Variants in AATF observed in about 807,000 individuals in gnomAD.
AATF encodes the protein apoptosis antagonizing transcription factor, also known as protein AATF.
Under a neutral mutation model 63.7 loss-of-function variants are expected in AATF, and 48 were observed. The observed-to-expected ratio is 0.75, with a 90% CI of 0.60 to 0.96. The LOEUF (loss-of-function observed/expected upper bound fraction) is 0.96. AATF is among the 40% of genes least tolerant of loss of function. AATF has a pLI of 0.00. For synonymous variants in AATF, 258 were observed against 247.7 expected (o/e 1.04, Z -0.39); for missense variants, 639 against 685.7 (o/e 0.93, Z 0.76).
chr17:37,050,553 G>A (rs372227784), intron 11 of AATF, among the ~76,000 whole-genome samples: 3 of 152,282 alleles, frequency 2.0e-5, no homozygotes, highest in East Asian at 3.9e-4. Context: ...TGGTGACCGC[G>A]CTGGTCTGTG....
rs765095757 is a variant in AATF, at chr17:36,989,271, A to G, written c.1174A>G (p.Ile392Val). ...GKGFGAFERS[I>V]LTQIDHILMD... Reference sequence around the variant, plus strand: ...GGGTTTTGGTGCCTTTGAACGCTCAATCTTGACTCAGATCGACCATATTCT... The same window carrying G: ...GGGTTTTGGTGCCTTTGAACGCTCAGTCTTGACTCAGATCGACCATATTCT... Residue 392 changes from isoleucine to valine, a missense_variant, in exon 7 of 12, where the codon ATC becomes GTC. Physicochemically the swap from Ile to Val is conservative, Grantham distance 29. Coordinates refer to ENST00000619387, the MANE Select transcript of AATF (RefSeq NM_012138.4). The G allele has an allele frequency of 1.5e-5, 24 of 1,613,398 alleles. No individual in the cohort carries two copies. The highest frequency in any genetic ancestry group is 8.8e-5 in the South Asian group (8 of 90,972).
chr17:36,958,033 AT>A (rs1435189342), intron 4 of AATF, among the ~76,000 whole-genome samples: 1 of 152,210 alleles, frequency 6.6e-6, no homozygotes, highest in Non-Finnish European at 1.5e-5. Flanking sequence ...TGTGGAAGTG[AT>A]TTCAAAGACA....
chr17:36,954,418 G>A (rs1232917053), intron 4 of AATF, among the ~76,000 whole-genome samples: 1 of 152,154 alleles, frequency 6.6e-6, no homozygotes, highest in African/African-American at 2.4e-5. Context: ...GACACTGGTT[G>A]AAAACCCACT....
rs558820872 is a variant in AATF at position 37,022,883 on chromosome 17, T to C, written c.1547+1869T>C. ...AGGTTGGGTCAGTCTCTTTTCCTAGTGTTCATTTATTTGTTTACTGACACG... is the reference window on the plus strand; with the variant it reads ...AGGTTGGGTCAGTCTCTTTTCCTAGCGTTCATTTATTTGTTTACTGACACG... On this transcript the variant is annotated intron_variant, in intron 10 of 11. Transcript: ENST00000619387. Among the ~76,000 whole-genome samples the C allele has an allele frequency of 2.6e-5, 4 of 152,268 alleles. 1 individual carries two copies. In the East Asian group the frequency reaches 7.7e-4, roughly 29 times the overall value.
At chr17:37,051,697 G>GACACACACACACACAC (rs59773430) in intron 11 of AATF, among the ~76,000 whole-genome samples, 2 of 137,138 alleles carry the variant, frequency 1.5e-5, no homozygotes, top group South Asian at 4.6e-4. Context: ...CAGACAGACA[G>GACACACACACACACAC]ACACACACAC....
intron 2 of AATF, among the ~76,000 whole-genome samples, chr17:36,950,658 C>T (rs1488632682): frequency 6.6e-6 from 1 of 152,168 alleles, no homozygotes; most frequent in African/African-American, 2.4e-5. Flanking sequence ...CACCACCACG[C>T]CCGGCTAATT....
At position 36,990,779 on chromosome 17, in the gene AATF, C is replaced by T. The variant is rs763889388; in HGVS notation, c.1320C>T (p.Ile440=). 6.3e-7 allele frequency: 1 copy of T among 1,589,314 alleles called. No individual in the cohort carries two copies. The highest frequency in any genetic ancestry group is 8.5e-7 in the Non-Finnish European group (1 of 1,170,524). Residue 440 remains isoleucine (I), a synonymous_variant, in exon 8 of 12, where the codon ATC becomes ATT. Transcript: ENST00000619387. ...CTTACTCATTGTTAACATAGGAGAT[C>T]CTTCCTCAAGCCCCTGCTAATGCTC... ...VPESLPGEPE[I]LPQAPANAHL...
At chr17:37,016,002 G>A (rs954752029) in intron 8 of AATF, among the ~76,000 whole-genome samples, 6 of 152,196 alleles carry the variant, frequency 3.9e-5, no homozygotes, top group African/African-American at 7.2e-5. Context: ...AGGCCCAAGT[G>A]GTTCTGCTCC....
chr17:36,993,175 C>T (rs1225086784), intron 8 of AATF, among the ~76,000 whole-genome samples: 1 of 152,218 alleles, frequency 6.6e-6, no homozygotes, highest in African/African-American at 2.4e-5. Context: ...GACAGCTTAT[C>T]CTAGCCTCGT....
intron 8 of AATF, among the ~76,000 whole-genome samples, chr17:37,002,728 G>A (rs192118063): frequency 1.1e-3 from 160 of 151,020 alleles, no homozygotes; most frequent in Admixed American, 4.1e-3. Flanking sequence ...TAACCTAGAA[G>A]ATGAAATATT....
chr17:37,017,921 A>G (rs2071440172), intron 8 of AATF, among the ~76,000 whole-genome samples: 2 of 152,202 alleles, frequency 1.3e-5, no homozygotes, highest in Admixed American at 6.5e-5. Flanking sequence ...GGCTTCAGCT[A>G]TTTGATTTGA....
intron 8 of AATF, among the ~76,000 whole-genome samples, chr17:37,009,909 A>G (rs953616150): frequency 4.0e-5 from 6 of 150,314 alleles, no homozygotes; most frequent in African/African-American, 9.8e-5. Context: ...CATCTGGCCT[A>G]TGTAAGACAT....
At position 36,950,321 on chromosome 17, in the gene AATF, A is replaced by G. The variant is rs541871141; in HGVS notation, c.199A>G (p.Thr67Ala). ...ACTGGCATCAGCCTCCCTCTTGGAC[A>G]CGGACAAAAGGTATTGCGGCAAAAC... ...RKLASASLLD[T>A]DKRYCGKTTS... is the part of the protein sequence containing the mutation. The change falls in exon 2 of 12, where the codon ACG (threonine) becomes GCG (alanine). Residue 67 changes from threonine (T) to alanine (A), a missense_variant. Transcript: ENST00000619387. 1.1e-5 allele frequency: 18 copies of G among 1,614,176 alleles called. No homozygotes were observed. In the South Asian group the frequency reaches 1.5e-4, roughly 14 times the overall value.
intron 11 of AATF, chr17:37,046,034 C>T (rs2071687482): frequency 1.3e-5 from 2 of 152,032 alleles, no homozygotes; most frequent in African/African-American, 4.8e-5. Context: ...AATTAATAGG[C>T]ATACAGTCTG....
intron 8 of AATF, among the ~76,000 whole-genome samples, chr17:37,010,616 T>C (rs2071383382): frequency 6.6e-6 from 1 of 151,748 alleles, no homozygotes; most frequent in Non-Finnish European, 1.5e-5. Context: ...TATCAAGGAG[T>C]CCATGAGTAC....
At chr17:37,036,832 C>T (rs1351523660) in intron 11 of AATF, among the ~76,000 whole-genome samples, 4 of 152,034 alleles carry the variant, frequency 2.6e-5, no homozygotes, top group African/African-American at 9.7e-5. Context: ...GTATTGCATG[C>T]CTGATGAGCA....
At chr17:36,960,332 A>T (rs770465699) in intron 4 of AATF, among the ~76,000 whole-genome samples, 3 of 152,142 alleles carry the variant, frequency 2.0e-5, no homozygotes, top group Non-Finnish European at 4.4e-5. Flanking sequence ...TTTTAATGGT[A>T]ATTTGTCCTC....
At chr17:36,981,603 C>T (rs192912765) in intron 4 of AATF, among the ~76,000 whole-genome samples, 24 of 151,866 alleles carry the variant, frequency 1.6e-4, no homozygotes, top group African/African-American at 5.5e-4. Flanking sequence ...GCCACCACGC[C>T]TGGCTGATTT....
chr17:37,005,041 C>G (rs916742422), intron 8 of AATF, among the ~76,000 whole-genome samples: 4 of 152,172 alleles, frequency 2.6e-5, no homozygotes, highest in Admixed American at 6.5e-5. Context: ...GTGGCAGCAC[C>G]TGATCTGAAT....
Sources: gnomAD v4.1 joint callset for allele counts (sites outside exome capture counted in the v4.1 genomes callset) on GRCh38, gnomAD v4.1.1 for gene constraint, MANE v1.5 for transcripts, NCBI Gene and HGNC (gene_info 2026-07-23, HGNC 2026-07-21) for gene names.